Variants in DPH6 observed in about 807,000 individuals in gnomAD.
The protein encoded by DPH6 is diphthine--ammonia ligase.
A neutral mutation model predicts 38.2 loss-of-function variants in DPH6; 33 were observed. That is an observed-to-expected ratio of 0.86 (90% confidence interval 0.65 to 1.15). The LOEUF (loss-of-function observed/expected upper bound fraction) is 1.15, where lower values mean the gene tolerates loss of function less well. Among genes scored for constraint, DPH6 ranks in the 50% most tolerant of loss-of-function variants. The probability of loss-of-function intolerance (pLI) is 0.00; values close to 1 mark genes in which losing one functional copy is unlikely to be tolerated. For synonymous variants in DPH6, 108 were observed against 103.0 expected (o/e 1.05, Z -0.30); for missense variants, 325 against 320.0 (o/e 1.02, Z -0.12).
chr15:35,452,317 A>T (rs1050311672), intron 4 of DPH6, among the ~76,000 whole-genome samples: 2 of 152,194 alleles, frequency 1.3e-5, no homozygotes, highest in African/African-American at 4.8e-5. Context: ...TATTCAATAA[A>T]TGATAGTCAA....
chr15:35,230,772 T>C (rs1033781646), intron 3 of DPH6, among the ~76,000 whole-genome samples: 2 of 152,170 alleles, frequency 1.3e-5, no homozygotes, highest in Non-Finnish European at 2.9e-5. Context: ...GCAGATTTCC[T>C]TATGTCCCAA....
intron 8 of DPH6, among the ~76,000 whole-genome samples, chr15:35,372,670 C>G (rs1157323056): frequency 6.6e-6 from 1 of 151,824 alleles, no homozygotes; most frequent in Non-Finnish European, 1.5e-5. Flanking sequence ...AGAACTGGCA[C>G]CTATAATTAT....
chr15:35,505,410 T>C (rs2054681405), intron 3 of DPH6, among the ~76,000 whole-genome samples: 2 of 151,870 alleles, frequency 1.3e-5, no homozygotes, highest in African/African-American at 4.8e-5. Context: ...CAGAAGAGAG[T>C]AATGATGAAA....
intron 3 of DPH6, among the ~76,000 whole-genome samples, chr15:35,358,970 C>T (rs1000658110): frequency 6.6e-5 from 10 of 151,994 alleles, no homozygotes; most frequent in East Asian, 3.9e-4. Context: ...CTTTGTCTTC[C>T]GCTACCAGGT....
chr15:35,417,333 T>C (rs779312920), intron 5 of DPH6, among the ~76,000 whole-genome samples: 2 of 151,976 alleles, frequency 1.3e-5, no homozygotes, highest in Non-Finnish European at 2.9e-5. Flanking sequence ...CTCTAAGATT[T>C]TAGTTTTTTA....
intron 3 of DPH6, among the ~76,000 whole-genome samples, chr15:35,467,357 G>A (rs1038335042): frequency 5.3e-5 from 8 of 152,138 alleles, no homozygotes; most frequent in Admixed American, 5.2e-4. Context: ...TTGAGGTCAG[G>A]AGTTTGAGAC....
In DPH6 at chr15:35,462,799, C is replaced by G. The variant is rs181058897; in HGVS notation, c.313-7979G>C. ...ATGATGGTACTTGGTCCCGTTCCCA[C>G]TGTAATCTCAGCTCTAGAAAAGTAC... is the stretch of plus-strand genomic sequence containing the variant. On this transcript the variant is annotated intron_variant, in intron 3 of 8. Coordinates refer to ENST00000256538, the MANE Select transcript of DPH6 (RefSeq NM_080650.4). 3.2e-4 allele frequency among the ~76,000 whole-genome samples: 48 copies of G among 152,278 alleles called. No homozygotes were observed. The Middle Eastern group carries it at 0.034, about 108-fold the overall frequency.
At chr15:35,330,287 C>T (rs1204440726), downstream of DPH6, among the ~76,000 whole-genome samples, 1 of 152,094 alleles carries the variant, frequency 6.6e-6, no homozygotes, top group East Asian at 1.9e-4. Context: ...TACAAGCCTA[C>T]TCATGCAGAC....
intron 3 of DPH6, among the ~76,000 whole-genome samples, chr15:35,456,457 C>CTA (rs34469895): frequency 0.66 from 94,503 of 144,000 alleles, 35,020 homozygotes; most frequent in South Asian, 0.87. Context: ...AGTCAAATTA[C>CTA]TATATATATA....
At chr15:35,540,221 T>A (rs971735259) in intron 2 of DPH6, among the ~76,000 whole-genome samples, 4 of 152,062 alleles carry the variant, frequency 2.6e-5, no homozygotes, top group African/African-American at 9.7e-5. Flanking sequence ...GCAACAATAG[T>A]GTGAGATCAA....
downstream of DPH6, among the ~76,000 whole-genome samples, chr15:35,216,818 G>T (rs772450557): frequency 2.8e-4 from 43 of 152,306 alleles, no homozygotes; most frequent in Admixed American, 8.5e-4. Context: ...AAAACAAGTT[G>T]CTGAACTGGG....
rs563606749 is a variant in DPH6, at chr15:35,401,619, A to C, written c.567+9216T>G. ...TTGGCAATTACAACAATCATCTTCG[A>C]ATTTTGGAACCATGAAGGTAGGAAA... On this transcript the variant is annotated intron_variant, in intron 6 of 8. Transcript: ENST00000256538. The C allele has an allele frequency of 1.8e-5, 14 of 759,846 alleles. No individual in the cohort carries two copies. In the South Asian group the frequency reaches 1.9e-4, roughly 10 times the overall value. The allele number at this position is 759,846 out of a possible 1,614,324, so 47.1% of individuals were successfully genotyped here. A position where few individuals can be genotyped will look rare whatever the true frequency, so the allele number is the denominator to read the frequency against.
intron 3 of DPH6, among the ~76,000 whole-genome samples, chr15:35,258,805 A>G (rs1159996831): frequency 1.3e-5 from 2 of 151,864 alleles, no homozygotes; most frequent in South Asian, 4.2e-4. Context: ...TCCCTCCCTT[A>G]TATATTTACT....
At chr15:35,463,096 T>C (rs12324339) in intron 3 of DPH6, among the ~76,000 whole-genome samples, 5,214 of 152,008 alleles carry the variant, frequency 0.034, 285 homozygotes, top group African/African-American at 0.12. Flanking sequence ...ACAAAGAAAA[T>C]ATAAGCTAAA....
chr15:35,223,095 G>A (rs1184251844), intron 3 of DPH6, among the ~76,000 whole-genome samples: 2 of 152,128 alleles, frequency 1.3e-5, no homozygotes, highest in Non-Finnish European at 1.5e-5. Flanking sequence ...TGCTATAACA[G>A]GGTACTTGAC....
At chr15:35,207,016 C>G in the DPH6 span, among the ~76,000 whole-genome samples, 1 of 132,598 alleles carries the variant, frequency 7.5e-6, no homozygotes, top group African/African-American at 2.7e-5. Context: ...TAATTTGAAA[C>G]TGTCAAATCA....
the DPH6 span, among the ~76,000 whole-genome samples, chr15:35,171,114 G>A: frequency 6.6e-6 from 1 of 152,228 alleles, no homozygotes; most frequent in Admixed American, 6.5e-5. Context: ...AGAGATGAGG[G>A]TTGATGCACT....
chr15:35,345,403 C>G (rs1481110), intron 3 of DPH6, among the ~76,000 whole-genome samples: 38,522 of 151,552 alleles, frequency 0.25, 5,037 homozygotes, highest in South Asian at 0.38. Flanking sequence ...GCAGTCATTT[C>G]CATCATCTTT....
chr15:35,508,060 A>C (rs2054719138), intron 3 of DPH6, among the ~76,000 whole-genome samples: 1 of 151,680 alleles, frequency 6.6e-6, no homozygotes, highest in Non-Finnish European at 1.5e-5. Context: ...GCGCTGACTG[A>C]AAGTAAGAGG....
Sources: gnomAD v4.1 joint callset for allele counts (sites outside exome capture counted in the v4.1 genomes callset) on GRCh38, gnomAD v4.1.1 for gene constraint, MANE v1.5 for transcripts, NCBI Gene and HGNC (gene_info 2026-07-23, HGNC 2026-07-21) for gene names.